The following NAGPA variants were observed in gnomAD, a reference collection of about 807,000 sequenced individuals.
NAGPA encodes N-acetylglucosamine-1-phosphodiester alpha-N-acetylglucosaminidase, also known as alpha-N-acetylglucosaminyl phosphodiesterase.
A neutral mutation model predicts 48.5 loss-of-function variants in NAGPA; 56 were observed. That is an observed-to-expected ratio of 1.15 (90% confidence interval 0.93 to 1.44). NAGPA has a LOEUF of 1.44. Ranked by LOEUF, NAGPA falls within the 40% of genes most tolerant of loss-of-function variation. NAGPA has a pLI of 0.00. For synonymous variants in NAGPA, 399 were observed against 315.5 expected (o/e 1.26, Z -2.81); for missense variants, 888 against 735.0 (o/e 1.21, Z -2.41).
intron 3 of NAGPA, 135 bp downstream of exon 3, chr16:5,031,610 G>C: frequency 8.5e-7 from 1 of 1,180,692 alleles, no homozygotes; most frequent in Non-Finnish European, 1.3e-6. Flanking sequence ...TCCTCCCCAT[G>C]AATCCCCAGT....
rs1306077980 is a variant in NAGPA, at chr16:5,033,093, G to A, written c.542+180C>T. The A allele has an allele frequency of 1.9e-5, 14 of 744,712 alleles. No homozygotes were observed. The highest frequency in any genetic ancestry group is 2.7e-5 in the East Asian group (1 of 36,742). 46.1% of individuals were successfully genotyped at this position (744,712 alleles called of 1,614,324 possible). ...GGGCGCGGCACATTGCCTGATACAAGCAAGTGCTCAATGATACTGGATGAT... is the reference window on the plus strand; with the variant it reads ...GGGCGCGGCACATTGCCTGATACAAACAAGTGCTCAATGATACTGGATGAT... On this transcript the variant is annotated intron_variant, in intron 2 of 9. Coordinates refer to ENST00000312251, the MANE Select transcript of NAGPA (RefSeq NM_016256.4). This position sits in a 1 kb window ranked among gnomAD's most constrained non-coding sequence, Gnocchi z 4.2.
Position 5,033,837 on chromosome 16 carries a change from G to A in NAGPA, c.78C>T (p.Leu26=), listed in dbSNP as rs1407418201. Residue 26 remains leucine (L), a synonymous_variant, in exon 1 of 10, where the codon CTC becomes CTT. Coordinates refer to ENST00000312251, the MANE Select transcript of NAGPA (RefSeq NM_016256.4). The surrounding 1 kb of genome is among the most constrained non-coding windows in gnomAD (Gnocchi z 4.2). ...FGFLWEASGG[L]DSGASRDDDL... is the part of the protein sequence containing the mutation. ...CAGGGAGCTGCACTCACCCCGAGTC[G>A]AGGCCGCCGGACGCTTCCCAGAGGA... 6.4e-7 allele frequency: 1 copy of A among 1,550,678 alleles called. No homozygotes were observed. The highest frequency in any genetic ancestry group is 8.7e-7 in the Non-Finnish European group (1 of 1,147,688).
chr16:5,028,956 C>T lies in NAGPA; in HGVS notation c.844G>A (p.Ala282Thr), dbSNP rs772676182. The change falls in exon 5 of 10, where the codon GCC becomes ACC. Residue 282 changes from alanine to threonine, a missense_variant. Coordinates refer to ENST00000312251, the MANE Select transcript of NAGPA (RefSeq NM_016256.4). Reference protein sequence around the residue: ...EFLLKQDVVNAINLDGGGSAT... With the variant: ...EFLLKQDVVNTINLDGGGSAT... ...GAGCCACCCCCATCCAGGTTGATGG[C>T]GTTGACCACGTCCTGTTTCAGCAGG... is the stretch of plus-strand genomic sequence containing the variant. The T allele has an allele frequency of 3.6e-5, 58 of 1,613,896 alleles. No homozygotes were observed. The highest frequency in any genetic ancestry group is 4.3e-5 in the Non-Finnish European group (51 of 1,180,052).
rs766429170 is a variant in NAGPA, at chr16:5,028,181, C to T, written c.925G>A (p.Asp309Asn). The T allele has an allele frequency of 1.9e-6, 3 of 1,559,464 alleles. No individual in the cohort carries two copies. The highest frequency in any genetic ancestry group is 1.4e-5 in the African/African-American group (1 of 73,624). Residue 309 changes from aspartate (D) to asparagine (N), a missense_variant, in exon 6 of 10, where the codon GAC becomes AAC. By Grantham distance (23) the Asp-to-Asn change is conservative (BLOSUM62 1). Transcript: ENST00000312251. ...TGGCGGGGACAGCGCCACATGTTGT[C>T]CTGGCTGTAGAGGGATGTGATGTGT... ...LASYPSDHCQ[D>N]NMWRCPRQVS...
At chr16:5,027,770 C>T (rs551060811) in intron 7 of NAGPA, 76 bp downstream of exon 7, 18 of 1,538,994 alleles carry the variant, frequency 1.2e-5, no homozygotes, top group African/African-American at 1.4e-5. Flanking sequence ...AAGGTGGAGA[C>T]AGAAGCAGCA....
At chr16:5,030,148 T>C (rs933583522) in intron 4 of NAGPA, 17 of 590,022 alleles carry the variant, frequency 2.9e-5, no homozygotes, top group African/African-American at 2.8e-4. Context: ...CATTTCCTTG[T>C]ATCCTATCTA....
chr16:5,031,795 A>G lies in NAGPA; in HGVS notation c.632T>C (p.Ile211Thr). 1 of 1,614,066 alleles carries G rather than the reference A, an allele frequency of 6.2e-7. No individual in the cohort carries two copies. The highest frequency in any genetic ancestry group is 8.5e-7 in the Non-Finnish European group (1 of 1,180,000). Residue 211 changes from isoleucine to threonine, a missense_variant, in exon 3 of 10, where the codon ATC becomes ACC. Ile to Thr is a moderately conservative substitution (Grantham distance 89, BLOSUM62 -1). Coordinates refer to ENST00000312251, the MANE Select transcript of NAGPA (RefSeq NM_016256.4). ...GVVWLIRNGS[I>T]YINESQATEC... is the part of the protein sequence containing the mutation. ...TGTGGCTTGGCTCTCGTTGATGTAGATGCTTCCATTACGAATCAGCCACAC... is the reference window on the plus strand; with the variant it reads ...TGTGGCTTGGCTCTCGTTGATGTAGGTGCTTCCATTACGAATCAGCCACAC...
At position 5,027,372 on chromosome 16, in the gene NAGPA, G is replaced by T. The variant is rs1441774948; in HGVS notation, c.1182C>A (p.Pro394=). The change falls in exon 8 of 10, where the codon CCC becomes CCA. Residue 394 remains proline (P), a synonymous_variant. Coordinates refer to ENST00000312251, the MANE Select transcript of NAGPA (RefSeq NM_016256.4). ...GGCAGCCCGGCCCATGCCAGCCAAG[G>T]GGACACTCTATGGAAAGGAGATGGG... ...WTGSNCSEEC[P]LGWHGPGCQR... The T allele has an allele frequency of 6.2e-7, 1 of 1,612,448 alleles. No individual in the cohort carries two copies. Among genetic ancestry groups the T allele is most frequent in the Non-Finnish European group, 8.5e-7 (1 of 1,179,566 alleles).
In NAGPA at chr16:5,033,106, G is replaced by T; in HGVS notation, c.542+167C>A. The stretch of plus-strand genomic sequence containing the variant: ...TGCCTGATACAAGCAAGTGCTCAAT[G>T]ATACTGGATGATGAATAAACTCTGC... On this transcript the variant is annotated intron_variant, in intron 2 of 9. Coordinates refer to ENST00000312251, the MANE Select transcript of NAGPA (RefSeq NM_016256.4). This position sits in a 1 kb window ranked among gnomAD's most constrained non-coding sequence, Gnocchi z 4.2. 1 of 805,110 alleles carries T rather than the reference G, an allele frequency of 1.2e-6. No individual in the cohort carries two copies. Among genetic ancestry groups the T allele is most frequent in the Non-Finnish European group, 2.0e-6 (1 of 505,904 alleles). 49.9% of individuals were successfully genotyped at this position (805,110 alleles called of 1,614,324 possible).
Position 5,025,532 on chromosome 16 carries a change from A to G in NAGPA, c.1494T>C (p.Pro498=), listed in dbSNP as rs373357362. The G allele has an allele frequency of 1.2e-5, 20 of 1,613,082 alleles. No homozygotes were observed. In the African/African-American group the frequency reaches 2.7e-4, roughly 22 times the overall value. Reference sequence around the variant, plus strand: ...CTGGCTGCTCCTTCTCTGCGGCCAGAGGCTCCCCGTTCATCTCCTGCAGCG... The same window carrying G: ...CTGGCTGCTCCTTCTCTGCGGCCAGGGGCTCCCCGTTCATCTCCTGCAGCG... ...YHPLQEMNGE[P]LAAEKEQPGG... Residue 498 remains proline (P), a synonymous_variant, in exon 10 of 10, where the codon CCT becomes CCC. Transcript: ENST00000312251.
chr16:5,026,989 G>T, intron 9 of NAGPA, 146 bp downstream of exon 9: 1 of 1,012,554 alleles, frequency 9.9e-7, no homozygotes, highest in Non-Finnish European at 1.5e-6. Flanking sequence ...GGTCCCCAAA[G>T]CAGACAGTGG....
At position 5,025,029 on chromosome 16, in the gene NAGPA, T is replaced by G. The variant is rs1955969953; in HGVS notation, c.*449A>C. On this transcript the variant is annotated 3_prime_UTR_variant, in exon 10 of 10. Transcript: ENST00000312251. ...CTAGTTGGCAAATCCAGTGATGAGG[T>G]CTGTAGAAAAGGGGTCCCGTGTCAC... 5.2e-6 allele frequency: 1 copy of G among 194,034 alleles called. No homozygotes were observed. Among genetic ancestry groups the G allele is most frequent in the Non-Finnish European group, 1.1e-5 (1 of 92,286 alleles). The allele number at this position is 194,034 out of a possible 1,614,324, so 12.0% of individuals were successfully genotyped here.
At chr16:5,029,171 C>T in intron 4 of NAGPA, 163 bp from the exon 5 acceptor site, 2 of 1,127,532 alleles carry the variant, frequency 1.8e-6, no homozygotes, top group Non-Finnish European at 2.6e-6. Flanking sequence ...AAGCTGTGAA[C>T]ACGTGAGATC....
chr16:5,030,270 G>A (rs1956076057), intron 4 of NAGPA, 115 bp downstream of exon 4: 2 of 946,132 alleles, frequency 2.1e-6, no homozygotes, highest in East Asian at 5.2e-5. Flanking sequence ...AGGGGGGACA[G>A]ATAGGTGTCA....
chr16:5,026,965 G>C (rs1395387779), intron 9 of NAGPA, among the ~76,000 whole-genome samples, 170 bp downstream of exon 9: 2 of 152,148 alleles, frequency 1.3e-5, no homozygotes, highest in Non-Finnish European at 2.9e-5. Context: ...CGAAGGCCCT[G>C]GGCTCTGCTC....
In NAGPA at chr16:5,028,946, A is replaced by G; in HGVS notation, c.854T>C (p.Leu285Pro). Residue 285 changes from leucine to proline, a missense_variant, in exon 5 of 10, where the codon CTG becomes CCG. By Grantham distance (98) the Leu-to-Pro change is moderately conservative. Coordinates refer to ENST00000312251, the MANE Select transcript of NAGPA (RefSeq NM_016256.4). ...AAAGGTGGCAGAGCCACCCCCATCC[A>G]GGTTGATGGCGTTGACCACGTCCTG... ...LKQDVVNAIN[L>P]DGGGSATFVL... is the part of the protein sequence containing the mutation. 6.2e-7 allele frequency: 1 copy of G among 1,614,074 alleles called. No homozygotes were observed. Among genetic ancestry groups the G allele is most frequent in the Non-Finnish European group, 8.5e-7 (1 of 1,180,034 alleles).
Position 5,033,624 on chromosome 16 carries a change from C to T in NAGPA, c.191G>A (p.Trp64Ter). Reference sequence around the variant, plus strand: ...GCCGGGAGTCGCGGGAGGCGGAGGCCAACTCTCGTGCTCGCGGTTGCCGGC... The same window carrying T: ...GCCGGGAGTCGCGGGAGGCGGAGGCTAACTCTCGTGCTCGCGGTTGCCGGC... ...VRAGNREHES[W>*]PPPPATPGAG... The change falls in exon 2 of 10, where the codon TGG (tryptophan) becomes TAG (stop). Residue 64 changes from tryptophan to a stop codon, truncating the protein, a stop_gained. Transcript: ENST00000312251. LOFTEE classifies it high-confidence loss of function. The surrounding 1 kb of genome is among the most constrained non-coding windows in gnomAD (Gnocchi z 4.2). 6.6e-7 allele frequency: 1 copy of T among 1,526,374 alleles called. No homozygotes were observed. Among genetic ancestry groups the T allele is most frequent in the Non-Finnish European group, 8.7e-7 (1 of 1,149,020 alleles). 94.6% of individuals were successfully genotyped at this position (1,526,374 alleles called of 1,614,324 possible).
In NAGPA at chr16:5,027,880, A is replaced by T. The variant is rs1267815749; in HGVS notation, c.1140T>A (p.Cys380Ter). 2 of 1,585,406 alleles carry T rather than the reference A, an allele frequency of 1.3e-6. No individual in the cohort carries two copies. The highest frequency in any genetic ancestry group is 2.7e-5 in the African/African-American group (2 of 74,170). Residue 380 changes from cysteine to a stop codon, truncating the protein, a stop_gained, in exon 7 of 10, where the codon TGT becomes TGA. Coordinates refer to ENST00000312251, the MANE Select transcript of NAGPA (RefSeq NM_016256.4). LOFTEE classifies it high-confidence loss of function. ...AGTTGGACCCGGTCCATCCGGCATC[A>T]CAGCGGCAGCCGGCTGCCGAGACAA... Reference protein sequence around the residue: ...HGLCTETGCRCDAGWTGSNCS... With the variant: ...HGLCTETGCR
Position 5,025,374 on chromosome 16 carries a change from G to A in NAGPA, c.*104C>T, listed in dbSNP as rs1488422797. Reference sequence around the variant, plus strand: ...ACTTGGCTGCCCCACAGGGGCTGAGGACACCCAGATGGTCCACGCCAGTGG... The same window carrying A: ...ACTTGGCTGCCCCACAGGGGCTGAGAACACCCAGATGGTCCACGCCAGTGG... On this transcript the variant is annotated 3_prime_UTR_variant, in exon 10 of 10. Coordinates refer to ENST00000312251, the MANE Select transcript of NAGPA (RefSeq NM_016256.4). 3 of 1,391,920 alleles carry A rather than the reference G, an allele frequency of 2.2e-6. No homozygotes were observed. Among genetic ancestry groups the A allele is most frequent in the Non-Finnish European group, 2.0e-6 (2 of 1,006,692 alleles). The allele number at this position is 1,391,920 out of a possible 1,614,324, so 86.2% of individuals were successfully genotyped here.
Sources: gnomAD v4.1 joint callset for allele counts (sites outside exome capture counted in the v4.1 genomes callset) on GRCh38, gnomAD v4.1.1 for gene constraint, Gnocchi (gnomAD v3.1) non-coding constraint, MANE v1.5 for transcripts, NCBI Gene and HGNC (gene_info 2026-07-23, HGNC 2026-07-21) for gene names.